ST8SIA3: variants seen among roughly 807,000 people sequenced by gnomAD.
ST8SIA3 encodes ST8 alpha-N-acetyl-neuraminide alpha-2,8-sialyltransferase 3, also known as alpha-N-acetylneuraminate alpha-2,8-sialyltransferase ST8SIA3.
Under a neutral mutation model 34.5 loss-of-function variants are expected in ST8SIA3, and 17 were observed. That is an observed-to-expected ratio of 0.49 (90% CI 0.34 to 0.74). The LOEUF (loss-of-function observed/expected upper bound fraction) is 0.74, where lower values mean the gene tolerates loss of function less well. ST8SIA3 is among the 30% of genes least tolerant of loss of function. ST8SIA3 has a pLI of 0.01. For missense variants in ST8SIA3, 354 were observed against 467.8 expected (o/e 0.76, Z 2.24); for synonymous variants, 172 against 176.1 (o/e 0.98, Z 0.19).
At position 57,363,225 on chromosome 18, in the gene ST8SIA3, T is replaced by C. The variant is rs2049841812; in HGVS notation, c.*2948T>C. 1 of 152,190 alleles carries C rather than the reference T, an allele frequency of 6.6e-6. No individual in the cohort carries two copies. The highest frequency in any genetic ancestry group is 1.5e-5 in the Non-Finnish European group (1 of 68,042). The allele number at this position is 152,190 out of a possible 1,614,324, so 9.4% of individuals were successfully genotyped here. A position where few individuals can be genotyped will look rare whatever the true frequency, so the allele number is the denominator to read the frequency against. On this transcript the variant is annotated 3_prime_UTR_variant, in exon 4 of 4. Transcript: ENST00000324000. ...AGAGGGGGGAAATAATCACAAACTT[T>C]TGGCAACCTGCTTAATGCTAGACGC...
chr18:57,358,210 T>C (rs931501376), intron 3 of ST8SIA3, among the ~76,000 whole-genome samples: 1 of 152,234 alleles, frequency 6.6e-6, no homozygotes, highest in Non-Finnish European at 1.5e-5. Flanking sequence ...ACTCTCCTGA[T>C]GATTCCAATA....
rs1483543445 is a variant in ST8SIA3 at position 57,363,264 on chromosome 18, G to A, written c.*2987G>A. On this transcript the variant is annotated 3_prime_UTR_variant, in exon 4 of 4. Coordinates refer to ENST00000324000, the MANE Select transcript of ST8SIA3 (RefSeq NM_015879.3). ...AATGCTAGACGCTCTGTTTTCACTG[G>A]TTATTCTGAGTGTCATATGCAGATG... The A allele has an allele frequency of 6.6e-6, 1 of 152,160 alleles. No individual in the cohort carries two copies. Among genetic ancestry groups the A allele is most frequent in the East Asian group, 1.9e-4 (1 of 5,194 alleles). The allele number at this position is 152,160 out of a possible 1,614,324, so 9.4% of individuals were successfully genotyped here. A position where few individuals can be genotyped will look rare whatever the true frequency, so the allele number is the denominator to read the frequency against.
At chr18:57,358,289 C>G (rs1428640059) in intron 3 of ST8SIA3, among the ~76,000 whole-genome samples, 3 of 152,000 alleles carry the variant, frequency 2.0e-5, no homozygotes, top group African/African-American at 7.2e-5. Flanking sequence ...GATTTTTTTT[C>G]TTTTAAATCA....
Position 57,366,674 on chromosome 18 carries a change from G to A in ST8SIA3, c.*6397G>A, listed in dbSNP as rs949794439. 6.6e-6 allele frequency: 1 copy of A among 152,216 alleles called. No individual in the cohort carries two copies. The highest frequency in any genetic ancestry group is 2.4e-5 in the African/African-American group (1 of 41,448). The allele number at this position is 152,216 out of a possible 1,614,324, so 9.4% of individuals were successfully genotyped here. ...TTCCAAGGTCTCTACCCCACCAGGG[G>A]ACACCCAGTAAACATCACGCTGAGA... On this transcript the variant is annotated 3_prime_UTR_variant, in exon 4 of 4. Coordinates refer to ENST00000324000, the MANE Select transcript of ST8SIA3 (RefSeq NM_015879.3).
At position 57,367,841 on chromosome 18, in the gene ST8SIA3, C is replaced by T. The variant is rs9957261; in HGVS notation, c.*7564C>T. ...ACAAGAGCGCTTACAGCCAAGAGCC[C>T]TGGGAGGAGTTGAGTAACAGGCTGA... On this transcript the variant is annotated 3_prime_UTR_variant, in exon 4 of 4. Coordinates refer to ENST00000324000, the MANE Select transcript of ST8SIA3 (RefSeq NM_015879.3). 22,086 of 152,634 alleles carry T rather than the reference C, an allele frequency of 0.14. 1,715 individuals are homozygous for T. The highest frequency in any genetic ancestry group is 0.16 in the African/African-American group (6,787 of 41,494). 9.5% of individuals were successfully genotyped at this position (152,634 alleles called of 1,614,324 possible).
At chr18:57,354,339 T>A in intron 1 of ST8SIA3, 63 bp from the exon 2 acceptor site, 2 of 1,606,404 alleles carry the variant, frequency 1.2e-6, no homozygotes, top group South Asian at 2.2e-5. Flanking sequence ...TGCACTTTAA[T>A]GGCTACCTCG....
intron 3 of ST8SIA3, among the ~76,000 whole-genome samples, chr18:57,358,580 C>T (rs952982671): frequency 6.6e-6 from 1 of 152,126 alleles, no homozygotes; most frequent in African/African-American, 2.4e-5. Context: ...ACAGTCCAAA[C>T]TGGAACATTT....
intron 1 of ST8SIA3, 127 bp downstream of exon 1, chr18:57,353,152 C>T: frequency 1.2e-6 from 1 of 851,004 alleles, no homozygotes; most frequent in South Asian, 1.7e-5. Context: ...CTGCGCGGTC[C>T]TTCCACTCCT....
chr18:57,356,175 A>G (rs1446222633), intron 2 of ST8SIA3, among the ~76,000 whole-genome samples: 2 of 152,212 alleles, frequency 1.3e-5, no homozygotes, highest in Admixed American at 6.5e-5. Flanking sequence ...AGTTCTAAGT[A>G]TCAGTCTTGC....
Position 57,367,129 on chromosome 18 carries a change from T to C in ST8SIA3, c.*6852T>C, listed in dbSNP as rs2049865099. On this transcript the variant is annotated 3_prime_UTR_variant, in exon 4 of 4. Transcript: ENST00000324000. ...GACACAGTGAGTGGCCGTAAGTTGT[T>C]ATCTGCATGTACTAAATCAAAATTA... 3 of 152,234 alleles carry C rather than the reference T, an allele frequency of 2.0e-5. No individual in the cohort carries two copies. 9.4% of individuals were successfully genotyped at this position (152,234 alleles called of 1,614,324 possible). A position where few individuals can be genotyped will look rare whatever the true frequency, so the allele number is the denominator to read the frequency against.
rs531497081 is a variant in ST8SIA3, at chr18:57,364,887, G to C, written c.*4610G>C. ...GTATTTCTGAAAATTTATTTTTATT[G>C]TGATGACTGATTGAAGACATATGTG... On this transcript the variant is annotated 3_prime_UTR_variant, in exon 4 of 4. Transcript: ENST00000324000. 2.0e-5 allele frequency: 3 copies of C among 152,374 alleles called. No homozygotes were observed. The highest frequency in any genetic ancestry group is 4.4e-5 in the Non-Finnish European group (3 of 68,032). 9.4% of individuals were successfully genotyped at this position (152,374 alleles called of 1,614,324 possible). A position where few individuals can be genotyped will look rare whatever the true frequency, so the allele number is the denominator to read the frequency against.
rs75007710 is a variant in ST8SIA3, at chr18:57,352,604, G to T, written c.-243G>T. 5.8e-6 allele frequency: 3 copies of T among 513,216 alleles called. No homozygotes were observed. The highest frequency in any genetic ancestry group is 2.0e-5 in the African/African-American group (1 of 49,132). The allele number at this position is 513,216 out of a possible 1,614,324, so 31.8% of individuals were successfully genotyped here. Reference sequence around the variant, plus strand: ...CCCCTCCATCTTCCTGCTCGGCACCGGGCCCCGCGCGCCCCTGCCTACGGG... The same window carrying T: ...CCCCTCCATCTTCCTGCTCGGCACCTGGCCCCGCGCGCCCCTGCCTACGGG... On this transcript the variant is annotated 5_prime_UTR_variant, in exon 1 of 4. Coordinates refer to ENST00000324000, the MANE Select transcript of ST8SIA3 (RefSeq NM_015879.3).
chr18:57,354,259 G>A, intron 1 of ST8SIA3, 143 bp from the exon 2 acceptor site: 1 of 993,172 alleles, frequency 1.0e-6, no homozygotes, highest in Non-Finnish European at 1.5e-6. Context: ...AGCAGAGGGT[G>A]GACCAAATGA....
chr18:57,354,310 CCGCCCT>C, intron 1 of ST8SIA3, 86 bp from the exon 2 acceptor site: 1 of 1,545,096 alleles, frequency 6.5e-7, no homozygotes, highest in Non-Finnish European at 8.8e-7. Flanking sequence ...CGCGTACCAG[CCGCCCT>C]CGCCCCAGCC....
chr18:57,360,319 C>G lies in ST8SIA3; in HGVS notation c.*42C>G, dbSNP rs1226976846. The G allele has an allele frequency of 4.4e-6, 7 of 1,576,296 alleles. No individual in the cohort carries two copies. Among genetic ancestry groups the G allele is most frequent in the Non-Finnish European group, 6.1e-6 (7 of 1,156,784 alleles). On this transcript the variant is annotated 3_prime_UTR_variant, in exon 4 of 4. Transcript: ENST00000324000. The stretch of plus-strand genomic sequence containing the variant: ...GCGCCAAATGGCTGTTTAAAAAGTG[C>G]CCCAAATCAAATTGAATAGCCTTCA...
chr18:57,352,899 T>C lies in ST8SIA3; in HGVS notation c.53T>C (p.Leu18Pro). ...RVASVLGLVM[L>P]SVALLILSLI... ...GCCAGTGTGCTGGGGCTGGTCATGC[T>C]CAGCGTCGCCCTGCTGATTTTATCG... The change falls in exon 1 of 4, where the codon CTC becomes CCC. Residue 18 changes from leucine (L) to proline (P), a missense_variant. Around this residue, in one of 3 missense-constraint regions of ST8SIA3, gnomAD observed 184 missense variants for 205.4 expected, o/e 0.90. Transcript: ENST00000324000. 1 of 1,613,798 alleles carries C rather than the reference T, an allele frequency of 6.2e-7. No individual in the cohort carries two copies. Among genetic ancestry groups the C allele is most frequent in the Non-Finnish European group, 8.5e-7 (1 of 1,179,990 alleles).
intron 2 of ST8SIA3, among the ~76,000 whole-genome samples, chr18:57,356,245 G>T (rs2049797069): frequency 6.6e-6 from 1 of 152,104 alleles, no homozygotes; most frequent in African/African-American, 2.4e-5. Context: ...TAATAGCCAT[G>T]TTTTCTAAGG....
intron 3 of ST8SIA3, among the ~76,000 whole-genome samples, chr18:57,358,884 A>G (rs551941944): frequency 6.6e-6 from 1 of 152,288 alleles, no homozygotes; most frequent in South Asian, 2.1e-4. Context: ...TCTATACCGA[A>G]AGGGTTGTCA....
At chr18:57,353,394 G>A (rs1292271644) in intron 1 of ST8SIA3, among the ~76,000 whole-genome samples, 1 of 152,084 alleles carries the variant, frequency 6.6e-6, no homozygotes, top group Non-Finnish European at 1.5e-5. Context: ...TGAGGGGAGC[G>A]CCCTCCCCGC....
Sources: allele counts gnomAD v4.1 joint callset (sites outside exome capture counted in the v4.1 genomes callset), GRCh38; gene constraint gnomAD v4.1.1; regional missense constraint gnomAD v4.1.1; transcripts MANE v1.5; gene names NCBI Gene and HGNC (gene_info 2026-07-23, HGNC 2026-07-21).